COL25A1: variants seen among roughly 807,000 people sequenced by gnomAD.
COL25A1 encodes collagen type XXV alpha 1 chain, also known as collagen alpha-1(XXV) chain.
COL25A1 carries 103 observed loss-of-function variants against 128.4 expected under a neutral mutation model. The ratio of observed to expected loss-of-function variants is 0.80; its 90% CI spans 0.68 to 0.94. COL25A1 has a LOEUF of 0.94. Among genes scored for constraint, COL25A1 ranks in the 40% least tolerant of loss-of-function variants. The probability of loss-of-function intolerance (pLI) is 0.00; values close to 1 mark genes in which losing one functional copy is unlikely to be tolerated. For synonymous variants in COL25A1, 279 were observed against 277.2 expected, an observed-to-expected ratio of 1.01 and a Z score of -0.06; for missense variants, 745 against 840.0, an observed-to-expected ratio of 0.89 and a Z score of 1.40.
intron 3 of COL25A1, among the ~76,000 whole-genome samples, chr4:109,091,831 A>G (rs1764934774): frequency 2.0e-5 from 3 of 152,108 alleles, no homozygotes; most frequent in African/African-American, 7.2e-5. Flanking sequence ...ATCACCACTT[A>G]TTTTGAAGGG....
intron 3 of COL25A1, among the ~76,000 whole-genome samples, chr4:109,270,862 C>A (rs918183397): frequency 6.6e-6 from 1 of 152,148 alleles, no homozygotes; most frequent in African/African-American, 2.4e-5. Context: ...TAATATCTTG[C>A]CAGCATAATT....
intron 3 of COL25A1, among the ~76,000 whole-genome samples, chr4:109,157,805 A>G (rs1435276437): frequency 6.6e-6 from 1 of 152,232 alleles, no homozygotes; most frequent in Non-Finnish European, 1.5e-5. Flanking sequence ...CCAGGGGAGC[A>G]GTCGCTGAAA....
At chr4:109,021,540 T>A (rs1052697165) in intron 5 of COL25A1, among the ~76,000 whole-genome samples, 1 of 152,124 alleles carries the variant, frequency 6.6e-6, no homozygotes, top group Non-Finnish European at 1.5e-5. Flanking sequence ...GTAAAACATG[T>A]GTTTGAACAA....
chr4:109,117,751 G>C (rs1292704822), intron 3 of COL25A1, among the ~76,000 whole-genome samples: 7 of 151,876 alleles, frequency 4.6e-5, no homozygotes, highest in Admixed American at 3.3e-4. Flanking sequence ...TGATACAAGA[G>C]ATGGAAGAAA....
intron 3 of COL25A1, among the ~76,000 whole-genome samples, chr4:109,266,212 T>A (rs1781784105): frequency 1.3e-5 from 2 of 152,154 alleles, no homozygotes; most frequent in South Asian, 4.1e-4. Flanking sequence ...GTTGTAAAAA[T>A]TAACTAAGAT....
intron 35 of COL25A1, 36 bp from the exon 36 acceptor site, chr4:108,819,365 C>T: frequency 5.3e-6 from 8 of 1,522,960 alleles, no homozygotes; most frequent in Non-Finnish European, 6.3e-6. Flanking sequence ...GTTACTAACA[C>T]AAGAAATCAC....
chr4:109,127,634 GT>G (rs1176301982), intron 3 of COL25A1, among the ~76,000 whole-genome samples: 3 of 151,996 alleles, frequency 2.0e-5, no homozygotes, highest in African/African-American at 7.3e-5. Context: ...GGCCAAACAA[GT>G]TACTTTCTGA....
intron 3 of COL25A1, among the ~76,000 whole-genome samples, chr4:109,156,818 C>G (rs1462493341): frequency 1.3e-5 from 2 of 152,164 alleles, no homozygotes; most frequent in Admixed American, 6.5e-5. Context: ...GTCATTTAAT[C>G]CGTTAAGATT....
rs376979789 is a variant in COL25A1, at chr4:109,131,970, T to C, written c.368-81791A>G. Among the ~76,000 whole-genome samples the C allele has an allele frequency of 1.0e-3, 154 of 152,320 alleles. 1 individual carries two copies. The highest frequency in any genetic ancestry group is 3.2e-3 in the African/African-American group (133 of 41,564). ...GGACTCAAACAGAAAGGAGCACCAT[T>C]CTTTGCTAGAGATAAGGGCCCCTCA... is the stretch of plus-strand genomic sequence containing the variant. On this transcript the variant is annotated intron_variant, in intron 3 of 37. Coordinates refer to ENST00000399132, the MANE Select transcript of COL25A1 (RefSeq NM_198721.4).
intron 3 of COL25A1, among the ~76,000 whole-genome samples, chr4:109,231,288 C>A (rs991559836): frequency 1.3e-5 from 2 of 151,966 alleles, no homozygotes; most frequent in Non-Finnish European, 2.9e-5. Context: ...TCCAAACCCA[C>A]CAAATACTCA....
chr4:109,053,802 A>T (rs972368673), intron 3 of COL25A1, among the ~76,000 whole-genome samples: 2 of 152,188 alleles, frequency 1.3e-5, no homozygotes, highest in Admixed American at 6.5e-5. Context: ...TTCAGAATTC[A>T]TCATTGGCTG....
intron 5 of COL25A1, among the ~76,000 whole-genome samples, chr4:109,016,905 C>G (rs1276853444): frequency 6.6e-6 from 1 of 152,174 alleles, no homozygotes; most frequent in African/African-American, 2.4e-5. Context: ...AACTTGAGAC[C>G]CAACAAATGG....
chr4:108,861,068 T>C, intron 22 of COL25A1, 97 bp from the exon 23 acceptor site: 9 of 987,850 alleles, frequency 9.1e-6, no homozygotes, highest in South Asian at 1.4e-5. Flanking sequence ...GCACCTTTAA[T>C]ATGAACTTCT....
intron 3 of COL25A1, among the ~76,000 whole-genome samples, chr4:109,184,645 A>C (rs550532839): frequency 1.1e-3 from 162 of 152,316 alleles, no homozygotes; most frequent in African/African-American, 3.8e-3. Context: ...CTAGGTCCTA[A>C]GCCAGACACT....
chr4:109,082,816 T>C (rs1196641545), intron 3 of COL25A1, among the ~76,000 whole-genome samples: 1 of 152,190 alleles, frequency 6.6e-6, no homozygotes, highest in South Asian at 2.1e-4. Flanking sequence ...GTTTGTTATA[T>C]AGGTAAACTA....
At chr4:108,852,561 G>C (rs932315767) in intron 25 of COL25A1, among the ~76,000 whole-genome samples, 2 of 152,134 alleles carry the variant, frequency 1.3e-5, no homozygotes, top group Admixed American at 6.6e-5. Context: ...CACACTCATC[G>C]TATTGGGATG....
intron 3 of COL25A1, among the ~76,000 whole-genome samples, chr4:109,275,414 G>C (rs1646390015): frequency 6.6e-6 from 1 of 152,104 alleles, no homozygotes. Flanking sequence ...TTCCCCAGAG[G>C]TTTCATAGGG....
intron 8 of COL25A1, among the ~76,000 whole-genome samples, chr4:108,962,921 C>A (rs1474260179): frequency 6.6e-6 from 1 of 152,178 alleles, no homozygotes; most frequent in Non-Finnish European, 1.5e-5. Flanking sequence ...TAGGGCCTTG[C>A]AACTGACATC....
intron 5 of COL25A1, among the ~76,000 whole-genome samples, chr4:109,014,950 C>A (rs1392893044): frequency 6.6e-6 from 1 of 152,236 alleles, no homozygotes; most frequent in Admixed American, 6.5e-5. Flanking sequence ...TAGGATGTAA[C>A]AATCGACACC....
Sources: gnomAD v4.1 joint callset for allele counts (sites outside exome capture counted in the v4.1 genomes callset) on GRCh38, gnomAD v4.1.1 for gene constraint, MANE v1.5 for transcripts, NCBI Gene and HGNC (gene_info 2026-07-23, HGNC 2026-07-21) for gene names.